RALY: variants seen among roughly 807,000 people sequenced by gnomAD.
RALY encodes RALY heterogeneous nuclear ribonucleoprotein.
A neutral mutation model predicts 30.7 loss-of-function variants in RALY; 15 were observed. The observed-to-expected ratio is 0.49, with a 90% confidence interval of 0.33 to 0.75. RALY has a LOEUF of 0.75. Ranked by LOEUF, RALY falls within the 30% of genes least tolerant of loss-of-function variation. The pLI is 0.02. For synonymous variants in RALY, 177 were observed against 170.8 expected, an observed-to-expected ratio of 1.04 and a Z score of -0.28; for missense variants, 339 against 414.3, an observed-to-expected ratio of 0.82 and a Z score of 1.58.
chr20:34,044,629 C>A lies in RALY; in HGVS notation c.-10+13025C>A, dbSNP rs376264277. 8.8e-4 allele frequency among the ~76,000 whole-genome samples: 134 copies of A among 152,328 alleles called. No individual in the cohort carries two copies. In the South Asian group the frequency reaches 0.014, roughly 16 times the overall value. On this transcript the variant is annotated intron_variant, in intron 2 of 9. Coordinates refer to ENST00000246194, the MANE Select transcript of RALY (RefSeq NM_016732.3). Reference sequence around the variant, plus strand: ...GGGATTACAGGCGTGAGCCACCACACCTGACGTGTGTTAACATTTGAAGAA... The same window carrying A: ...GGGATTACAGGCGTGAGCCACCACAACTGACGTGTGTTAACATTTGAAGAA...
intron 1 of RALY, among the ~76,000 whole-genome samples, chr20:34,012,069 AAAAAAAAAAAAGAAAAAG>A (rs1164940363): frequency 6.6e-6 from 1 of 151,048 alleles, no homozygotes; most frequent in African/African-American, 2.4e-5. Flanking sequence ...CTGTCTCAAA[AAAAAAAAAAAAGAAAAAG>A]AAAAGAAGCA....
intron 2 of RALY, among the ~76,000 whole-genome samples, chr20:34,041,556 T>G (rs1260531227): frequency 2.6e-5 from 4 of 152,196 alleles, no homozygotes; most frequent in African/African-American, 9.7e-5. Context: ...GTCTCTGTCT[T>G]TTTCTCAGCC....
chr20:34,078,154 T>C (rs1054298107), intron 8 of RALY, among the ~76,000 whole-genome samples: 6 of 152,254 alleles, frequency 3.9e-5, no homozygotes, highest in African/African-American at 1.4e-4. Context: ...GGCATAGCAG[T>C]GTCCATAAAG....
At chr20:34,038,024 A>C (rs1183730640) in intron 2 of RALY, among the ~76,000 whole-genome samples, 1 of 152,134 alleles carries the variant, frequency 6.6e-6, no homozygotes, top group African/African-American at 2.4e-5. Context: ...TTGGTTCCAG[A>C]AACAGCTGGC....
chr20:34,052,154 G>A (rs2033099155), intron 2 of RALY, among the ~76,000 whole-genome samples: 6 of 152,202 alleles, frequency 3.9e-5, no homozygotes, highest in Admixed American at 3.9e-4. Context: ...GGAAACATCA[G>A]ATTGAATAAT....
At chr20:34,053,892 A>AT (rs2033159570) in intron 2 of RALY, among the ~76,000 whole-genome samples, 1 of 152,052 alleles carries the variant, frequency 6.6e-6, no homozygotes, top group Non-Finnish European at 1.5e-5. Flanking sequence ...CAAGGATGGC[A>AT]TTTTCTGGCC....
At chr20:34,019,804 G>A (rs6141444) in intron 1 of RALY, among the ~76,000 whole-genome samples, 79,568 of 152,062 alleles carry the variant, frequency 0.52, 23,009 homozygotes, top group South Asian at 0.75. Context: ...GCTCACGCCT[G>A]TAATCCCAGC....
intron 2 of RALY, among the ~76,000 whole-genome samples, chr20:34,067,355 G>A (rs545311033): frequency 2.6e-5 from 4 of 151,882 alleles, no homozygotes; most frequent in Admixed American, 1.3e-4. Flanking sequence ...AAGTAGAGAC[G>A]GGGTTTCACC....
intron 2 of RALY, among the ~76,000 whole-genome samples, chr20:34,048,748 C>G (rs945627541): frequency 6.7e-6 from 1 of 148,602 alleles, no homozygotes; most frequent in African/African-American, 2.5e-5. Context: ...CCCAGCTACT[C>G]GGGAAGCTGA....
In RALY at chr20:34,076,002, G is replaced by A. The variant is rs758731134; in HGVS notation, c.506G>A (p.Arg169His). 10 of 1,614,068 alleles carry A rather than the reference G, an allele frequency of 6.2e-6. No individual in the cohort carries two copies. Among genetic ancestry groups the A allele is most frequent in the Admixed American group, 3.3e-5 (2 of 60,010 alleles). ...KTNVPVKLFA[R>H]STAVTTSSAK... ...AACGTACCTGTCAAGCTCTTTGCCC[G>A]CTCCACAGCTGTCACCACCAGCTCA... The change falls in exon 6 of 10, where the codon CGC becomes CAC. Residue 169 changes from arginine (R) to histidine (H), a missense_variant. This residue lies in a region of RALY where 268 missense variants were observed against 280.6 expected (regional missense o/e 0.95). Coordinates refer to ENST00000246194, the MANE Select transcript of RALY (RefSeq NM_016732.3).
intron 1 of RALY, among the ~76,000 whole-genome samples, chr20:34,022,468 G>T (rs764992886): frequency 7.4e-4 from 112 of 152,056 alleles, no homozygotes; most frequent in Non-Finnish European, 1.5e-3. Flanking sequence ...GTTGACACTT[G>T]TTCTGGCCAG....
intron 1 of RALY, among the ~76,000 whole-genome samples, chr20:33,998,230 C>T (rs1000900816): frequency 5.3e-5 from 8 of 152,128 alleles, no homozygotes; most frequent in African/African-American, 1.9e-4. Flanking sequence ...GTCACAGGGA[C>T]AGACACCAGG....
intron 1 of RALY, among the ~76,000 whole-genome samples, chr20:33,998,713 T>A (rs1461634408): frequency 6.6e-6 from 1 of 152,172 alleles, no homozygotes; most frequent in Non-Finnish European, 1.5e-5. Context: ...GGCTGCCTGT[T>A]CAGGAGCGGA....
chr20:34,067,255 C>T (rs1011603120), intron 2 of RALY, among the ~76,000 whole-genome samples: 2 of 152,052 alleles, frequency 1.3e-5, no homozygotes, highest in African/African-American at 2.4e-5. Context: ...AGTGCAGTGG[C>T]GGTGATCAAA....
At chr20:34,010,478 C>T (rs550655141) in intron 1 of RALY, among the ~76,000 whole-genome samples, 1 of 152,290 alleles carries the variant, frequency 6.6e-6, no homozygotes, top group Admixed American at 6.5e-5. Flanking sequence ...CTCAAGCCAT[C>T]CTCCCGCCTT....
chr20:34,022,352 T>G (rs753620503), intron 1 of RALY, among the ~76,000 whole-genome samples: 13 of 151,958 alleles, frequency 8.6e-5, no homozygotes, highest in Non-Finnish European at 1.6e-4. Context: ...AGTTGAGAAG[T>G]TGGGGATGGG....
chr20:34,049,876 C>G (rs557243848), intron 2 of RALY, among the ~76,000 whole-genome samples: 3 of 152,140 alleles, frequency 2.0e-5, no homozygotes, highest in African/African-American at 7.2e-5. Context: ...TCTTTCTATC[C>G]CCTACTTAGT....
At chr20:34,005,134 CAG>C (rs2122989379) in intron 1 of RALY, among the ~76,000 whole-genome samples, 1 of 152,276 alleles carries the variant, frequency 6.6e-6, no homozygotes, top group South Asian at 2.1e-4. Context: ...TCAAGATAGA[CAG>C]GGTGCTAGAG....
In RALY at chr20:34,072,957, T is replaced by TGA. The variant is rs778394478; in HGVS notation, c.257-605_257-604insAG. Among the ~76,000 whole-genome samples the TGA allele has an allele frequency of 5.8e-3, 674 of 116,806 alleles. 6 individuals are homozygous for TGA. The highest frequency in any genetic ancestry group is 0.019 in the African/African-American group (649 of 33,758). 76.6% of individuals were successfully genotyped at this position (116,806 alleles called of 152,430 possible). A position where few individuals can be genotyped will look rare whatever the true frequency, so the allele number is the denominator to read the frequency against. On this transcript the variant is annotated intron_variant, in intron 3 of 9. Transcript: ENST00000246194. ...GTGTGTGTGTGTGTGTGTGTGTGTG[T>TGA]GTGAGAGAGAGAACATATTTGAATG...
Sources: gnomAD v4.1 joint callset for allele counts (sites outside exome capture counted in the v4.1 genomes callset) on GRCh38, gnomAD v4.1.1 for gene constraint, gnomAD v4.1.1 regional missense constraint, MANE v1.5 for transcripts, NCBI Gene and HGNC (gene_info 2026-07-23, HGNC 2026-07-21) for gene names.